Variants in TMEM130 observed in about 807,000 individuals in gnomAD.
TMEM130 encodes the protein transmembrane protein 130.
Under a neutral mutation model 42.9 loss-of-function variants are expected in TMEM130, and 37 were observed. That is an observed-to-expected ratio of 0.86 (90% confidence interval 0.66 to 1.13). The LOEUF (loss-of-function observed/expected upper bound fraction) is 1.13, where lower values mean the gene tolerates loss of function less well. Ranked by LOEUF, TMEM130 falls within the 50% of genes most tolerant of loss-of-function variation. The pLI is 0.00. For synonymous variants in TMEM130, 259 were observed against 237.7 expected (o/e 1.09, Z -0.82); for missense variants, 545 against 562.6 (o/e 0.97, Z 0.32).
chr7:98,862,996 A>G, intron 2 of TMEM130, 99 bp downstream of exon 2: 1 of 1,297,538 alleles, frequency 7.7e-7, no homozygotes, highest in Non-Finnish European at 1.0e-6. Flanking sequence ...CCCAGAACCT[A>G]CGGGCCTAAT....
At chr7:98,857,694 T>G (rs1386794940) in intron 3 of TMEM130, among the ~76,000 whole-genome samples, 4 of 107,632 alleles carry the variant, frequency 3.7e-5, no homozygotes, top group Non-Finnish European at 5.8e-5. Flanking sequence ...AGCGAGACCC[T>G]GTCTCAAAAA....
At chr7:98,856,255 G>T in intron 3 of TMEM130, 72 bp from the exon 4 acceptor site, 1 of 1,475,422 alleles carries the variant, frequency 6.8e-7, no homozygotes, top group Non-Finnish European at 9.3e-7. Flanking sequence ...ACTCAGAAGT[G>T]ATTCATGGGA....
chr7:98,869,983 C>G lies in TMEM130; in HGVS notation c.-122G>C. On this transcript the variant is annotated 5_prime_UTR_variant, in exon 1 of 8. Coordinates refer to ENST00000339375, the MANE Select transcript of TMEM130 (RefSeq NM_152913.3). The surrounding 1 kb of genome is among the most constrained non-coding windows in gnomAD (Gnocchi z 4.7). ...GGGCGGTGCGGGGAGGTGCGGGCGC[C>G]GTGCTCGCTCGTCCTCGCCGGGGGA... The G allele has an allele frequency of 3.6e-6, 2 of 560,178 alleles. No individual in the cohort carries two copies. The highest frequency in any genetic ancestry group is 2.0e-5 in the African/African-American group (1 of 51,078). 34.7% of individuals were successfully genotyped at this position (560,178 alleles called of 1,614,324 possible).
At chr7:98,850,273 A>ATATATATATATATTTTTTTTTTTTT in intron 6 of TMEM130, among the ~76,000 whole-genome samples, 1 of 35,460 alleles carries the variant, frequency 2.8e-5, no homozygotes, top group African/African-American at 7.6e-5. Flanking sequence ...ATATATATAT[A>ATATATATATATATTTTTTTTTTTTT]TTTTTTTTTT....
intron 2 of TMEM130, 93 bp from the exon 3 acceptor site, chr7:98,860,431 A>G (rs983480943): frequency 1.7e-5 from 22 of 1,320,164 alleles, no homozygotes; most frequent in Middle Eastern, 3.8e-4. Context: ...CAAAGCCACC[A>G]CTTCCCTGCC....
Position 98,855,243 on chromosome 7 carries a change from C to G in TMEM130, c.800G>C (p.Gly267Ala). 6.2e-7 allele frequency: 1 copy of G among 1,613,072 alleles called. No individual in the cohort carries two copies. The highest frequency in any genetic ancestry group is 8.5e-7 in the Non-Finnish European group (1 of 1,179,438). The change falls in exon 5 of 8, where the codon GGG becomes GCG. Residue 267 changes from glycine to alanine, a missense_variant. Gly to Ala is a moderately conservative substitution (Grantham distance 60, BLOSUM62 0). Coordinates refer to ENST00000339375, the MANE Select transcript of TMEM130 (RefSeq NM_152913.3). ...QKMTVTLNFL[G>A]SPPLTVCWRL... ...GTGCGCTCTGGAGCTCACTTACCTCCCCAGGAAGTTCAAGGTCACGGTCAT... is the reference window on the plus strand; with the variant it reads ...GTGCGCTCTGGAGCTCACTTACCTCGCCAGGAAGTTCAAGGTCACGGTCAT...
At chr7:98,868,111 C>T (rs1284399071) in intron 1 of TMEM130, among the ~76,000 whole-genome samples, 1 of 152,182 alleles carries the variant, frequency 6.6e-6, no homozygotes, top group Non-Finnish European at 1.5e-5. Flanking sequence ...CGCCTGTAAT[C>T]CCAGCTACTT....
At chr7:98,863,545 C>G in intron 1 of TMEM130, 145 bp from the exon 2 acceptor site, 5 of 738,676 alleles carry the variant, frequency 6.8e-6, no homozygotes, top group Non-Finnish European at 1.1e-5. Context: ...CCAAGGGTCA[C>G]TCAGCCAATT....
chr7:98,850,273 A>ATTTATATTTTTTTTTTTTTTTTT (rs1794468650), intron 6 of TMEM130, among the ~76,000 whole-genome samples: 1 of 35,452 alleles, frequency 2.8e-5, no homozygotes, highest in African/African-American at 7.6e-5. Flanking sequence ...ATATATATAT[A>ATTTATATTTTTTTTTTTTTTTTT]TTTTTTTTTT....
chr7:98,869,834 C>T lies in TMEM130; in HGVS notation c.28G>A (p.Gly10Ser), dbSNP rs1554401108. The T allele has an allele frequency of 2.8e-6, 4 of 1,445,152 alleles. No homozygotes were observed. The highest frequency in any genetic ancestry group is 3.6e-6 in the Non-Finnish European group (4 of 1,100,242). 89.5% of individuals were successfully genotyped at this position (1,445,152 alleles called of 1,614,324 possible). A position where few individuals can be genotyped will look rare whatever the true frequency, so the allele number is the denominator to read the frequency against. The change falls in exon 1 of 8, where the codon GGC (glycine) becomes AGC (serine). Residue 10 changes from glycine (G) to serine (S), a missense_variant. Physicochemically the swap from Gly to Ser is moderately conservative, Grantham distance 56. Coordinates refer to ENST00000339375, the MANE Select transcript of TMEM130 (RefSeq NM_152913.3). This position sits in a 1 kb window ranked among gnomAD's most constrained non-coding sequence, Gnocchi z 4.7. Reference sequence around the variant, plus strand: ...AGGCAGGCAAGCCAGAGGATGCGGCCGAGGCGCGACCACACTGCCTGGGCC... The same window carrying T: ...AGGCAGGCAAGCCAGAGGATGCGGCTGAGGCGCGACCACACTGCCTGGGCC... MAQAVWSRL[G>S]RILWLACLLP...
At position 98,848,691 on chromosome 7, in the gene TMEM130, G is replaced by C. The variant is rs781821415; in HGVS notation, c.1011C>G (p.Ile337Met). Residue 337 changes from isoleucine (I) to methionine (M), a missense_variant, in exon 7 of 8, where the codon ATC becomes ATG. Transcript: ENST00000339375. ...YHKIQVWPSR[I>M]QPAVFAFPCA... ...ATGGGAAAGCAAAGACAGCCGGCTG[G>C]ATTCCTGGGAATGAAAGAAGTAACA... 3 of 1,609,230 alleles carry C rather than the reference G, an allele frequency of 1.9e-6. No homozygotes were observed. In the South Asian group the frequency reaches 3.3e-5, roughly 18 times the overall value.
At chr7:98,863,840 TTTTC>T (rs1351945697) in intron 1 of TMEM130, among the ~76,000 whole-genome samples, 75 of 150,830 alleles carry the variant, frequency 5.0e-4, no homozygotes, top group African/African-American at 1.6e-3. Flanking sequence ...CCTTCCTTCC[TTTTC>T]TTTCTTCTTC....
rs782625480 is a variant in TMEM130, at chr7:98,848,091, G to A, written c.1237C>T (p.Pro413Ser). The A allele has an allele frequency of 1.2e-6, 2 of 1,614,104 alleles. No individual in the cohort carries two copies. The highest frequency in any genetic ancestry group is 4.5e-5 in the East Asian group (2 of 44,878). The change falls in exon 8 of 8, where the codon CCC becomes TCC. Residue 413 changes from proline to serine, a missense_variant. Coordinates refer to ENST00000339375, the MANE Select transcript of TMEM130 (RefSeq NM_152913.3). The stretch of plus-strand genomic sequence containing the variant: ...TAAGTTTTGACAGACTTATAGAGGG[G>A]CGGGAGCAGCCCGTGGTTCTCACGA... ...IVRENHGLLP[P>S]LYKSVKTYTV
intron 5 of TMEM130, among the ~76,000 whole-genome samples, chr7:98,852,988 G>T (rs782173885): frequency 2.0e-5 from 3 of 152,194 alleles, no homozygotes; most frequent in Non-Finnish European, 4.4e-5. Context: ...CGTTTGATGG[G>T]TGAGAAAGGA....
rs781804160 is a variant in TMEM130, at chr7:98,855,980, G to A, written c.718+37C>T. On this transcript the variant is annotated intron_variant, in intron 4 of 7. Transcript: ENST00000339375. ...CTGTGCGTACGGTGACCCCACTCTG[G>A]AACGCCCAGACTGCATCAGCCTGCC... 4 of 1,602,740 alleles carry A rather than the reference G, an allele frequency of 2.5e-6. No homozygotes were observed. The African/African-American group carries it at 5.3e-5, about 21-fold the overall frequency.
chr7:98,848,265 CG>C, intron 7 of TMEM130, 57 bp from the exon 8 acceptor site: 1 of 1,605,784 alleles, frequency 6.2e-7, no homozygotes. Flanking sequence ...CAAAATCCCA[CG>C]GGTCAATCAC....
At chr7:98,852,286 T>A (rs1010328363) in intron 5 of TMEM130, among the ~76,000 whole-genome samples, 10 of 152,024 alleles carry the variant, frequency 6.6e-5, no homozygotes, top group Non-Finnish European at 1.3e-4. Context: ...CACACAACCA[T>A]GCCTGGCTAA....
At chr7:98,855,051 TAATAA>T (rs782799116) in intron 5 of TMEM130, among the ~76,000 whole-genome samples, 184 bp downstream of exon 5, 3 of 152,086 alleles carry the variant, frequency 2.0e-5, no homozygotes, top group African/African-American at 4.8e-5. Flanking sequence ...AATAAATAAA[TAATAA>T]AATAAAATAC....
chr7:98,860,238 G>T lies in TMEM130; in HGVS notation c.492C>A (p.His164Gln). The change falls in exon 3 of 8, where the codon CAC becomes CAA. Residue 164 changes from histidine (H) to glutamine (Q), a missense_variant. By Grantham distance (24) the His-to-Gln change is conservative. Transcript: ENST00000339375. ...KTVLKVSFLLHDPSNFLKTAL... is the reference protein window; with the variant it reads ...KTVLKVSFLLQDPSNFLKTAL... ...CGGTCTTGAGGAAGTTGCTCGGGTCGTGGAGGAGGAAGGAGACTTTCAGGA... is the reference window on the plus strand; with the variant it reads ...CGGTCTTGAGGAAGTTGCTCGGGTCTTGGAGGAGGAAGGAGACTTTCAGGA... 6.2e-7 allele frequency: 1 copy of T among 1,614,092 alleles called. No homozygotes were observed. Among genetic ancestry groups the T allele is most frequent in the East Asian group, 2.2e-5 (1 of 44,874 alleles).
Sources: allele counts gnomAD v4.1 joint callset (sites outside exome capture counted in the v4.1 genomes callset), GRCh38; gene constraint gnomAD v4.1.1; non-coding constraint Gnocchi (gnomAD v3.1); transcripts MANE v1.5; gene names NCBI Gene and HGNC (gene_info 2026-07-23, HGNC 2026-07-21).